The following LCP2 variants were observed in gnomAD, a reference collection of about 807,000 sequenced individuals.
LCP2 encodes 76 kDa tyrosine phosphoprotein.
Under a neutral mutation model 74.5 loss-of-function variants are expected in LCP2, and 29 were observed. The ratio of observed to expected loss-of-function variants is 0.39; its 90% CI spans 0.29 to 0.53. The LOEUF is 0.53. Among genes scored for constraint, LCP2 ranks in the 20% least tolerant of loss-of-function variants. The pLI is 0.72. For synonymous variants in LCP2, 228 were observed against 229.5 expected, an observed-to-expected ratio of 0.99 and a Z score of 0.06; for missense variants, 604 against 634.6, an observed-to-expected ratio of 0.95 and a Z score of 0.52.
At chr5:170,285,893 GCCT>G (rs1298851401) in intron 3 of LCP2, among the ~76,000 whole-genome samples, 1 of 152,118 alleles carries the variant, frequency 6.6e-6, no homozygotes, top group African/African-American at 2.4e-5. Context: ...ACTCTCCGCT[GCCT>G]CCTCAACTCA....
chr5:170,270,749 G>T lies in LCP2; in HGVS notation c.493C>A (p.Pro165Thr), dbSNP rs746525662. 1.2e-5 allele frequency: 19 copies of T among 1,593,196 alleles called. No homozygotes were observed. The highest frequency in any genetic ancestry group is 8.0e-5 in the South Asian group (7 of 87,344). The change falls in exon 7 of 21, where the codon CCT (proline) becomes ACT (threonine). Residue 165 changes from proline to threonine, a missense_variant. Transcript: ENST00000046794. ...TACATGGAGTTGGAGTTGGGGAAAG[G>T]CTTGGCAGGCAGGATGGAGTTCTGC... ...ALQNSILPAK[P>T]FPNSNSMYID...
At position 170,274,771 on chromosome 5, in the gene LCP2, T is replaced by A. The variant is rs191506090; in HGVS notation, c.287-433A>T. ...GCGGGCAGATCATGAGGTCAGGAGATCGAGACCATCCTGGCTGACATGGTG... is the reference window on the plus strand; with the variant it reads ...GCGGGCAGATCATGAGGTCAGGAGAACGAGACCATCCTGGCTGACATGGTG... On this transcript the variant is annotated intron_variant, in intron 5 of 20. Transcript: ENST00000046794. Among the ~76,000 whole-genome samples the A allele has an allele frequency of 5.3e-3, 809 of 152,110 alleles. 6 individuals are homozygous for A. The highest frequency in any genetic ancestry group is 0.018 in the African/African-American group (741 of 41,488).
chr5:170,248,622 C>G lies in LCP2; in HGVS notation c.*75G>C, dbSNP rs570785452. On this transcript the variant is annotated 3_prime_UTR_variant, in exon 21 of 21. Coordinates refer to ENST00000046794, the MANE Select transcript of LCP2 (RefSeq NM_005565.5). ...GTTCAGTTCAGTCCTAAGTGTTTGT[C>G]CATTGACCAAGGCTGATTGATCTCG... 6.5e-7 allele frequency: 1 copy of G among 1,545,088 alleles called. No homozygotes were observed. Among genetic ancestry groups the G allele is most frequent in the African/African-American group, 1.4e-5 (1 of 72,988 alleles).
At position 170,262,810 on chromosome 5, in the gene LCP2, C is replaced by A. The variant is rs1244251228; in HGVS notation, c.818+32G>T. Reference sequence around the variant, plus strand: ...CGAGGCAGAGTTCTACAGAACGTCCCATGTACCCTCATGTAGATGCAACAG... The same window carrying A: ...CGAGGCAGAGTTCTACAGAACGTCCAATGTACCCTCATGTAGATGCAACAG... On this transcript the variant is annotated intron_variant, in intron 12 of 20. Transcript: ENST00000046794. The A allele has an allele frequency of 5.6e-6, 9 of 1,614,002 alleles. No individual in the cohort carries two copies. In the South Asian group the frequency reaches 9.9e-5, roughly 18 times the overall value.
intron 2 of LCP2, among the ~76,000 whole-genome samples, chr5:170,292,721 C>G (rs1224736526): frequency 1.3e-5 from 2 of 152,176 alleles, no homozygotes; most frequent in South Asian, 4.1e-4. Flanking sequence ...AACCACCTCC[C>G]CGACCACAAC....
In LCP2 at chr5:170,266,795, G is replaced by T; in HGVS notation, c.772+13C>A. On this transcript the variant is annotated intron_variant, in intron 10 of 20. Transcript: ENST00000046794. The stretch of plus-strand genomic sequence containing the variant: ...ATCATTATTACTATGCATTAAATGT[G>T]AATCATACCCACCTAGTGTGAAGGG... 1 of 1,604,746 alleles carries T rather than the reference G, an allele frequency of 6.2e-7. No individual in the cohort carries two copies. Among genetic ancestry groups the T allele is most frequent in the Non-Finnish European group, 8.5e-7 (1 of 1,171,416 alleles).
At chr5:170,273,007 A>G (rs1761923163) in intron 6 of LCP2, among the ~76,000 whole-genome samples, 1 of 150,556 alleles carries the variant, frequency 6.6e-6, no homozygotes, top group African/African-American at 2.5e-5. Flanking sequence ...GTGCTGCCTG[A>G]TTCATGAATC....
chr5:170,251,386 A>G (rs1761438931), intron 19 of LCP2: 1 of 216,732 alleles, frequency 4.6e-6, no homozygotes, highest in Admixed American at 4.9e-5. Context: ...CAGACCCTTG[A>G]GCAAAATTGA....
chr5:170,267,031 G>A lies in LCP2; in HGVS notation c.666C>T (p.Ser222=). ...CACGCTTTGCCGTTTTGTGGTTTCTGCTTCTGCTGGGTTCTTCGTGGTTGG... is the reference window on the plus strand; with the variant it reads ...CACGCTTTGCCGTTTTGTGGTTTCTACTTCTGCTGGGTTCTTCGTGGTTGG... ...PQTNHEEPSR[S]RNHKTAKLPA... Residue 222 remains serine (S), a synonymous_variant, in exon 9 of 21, where the codon AGC becomes AGT. Coordinates refer to ENST00000046794, the MANE Select transcript of LCP2 (RefSeq NM_005565.5). The A allele has an allele frequency of 6.2e-7, 1 of 1,613,988 alleles. No homozygotes were observed. The highest frequency in any genetic ancestry group is 1.1e-5 in the South Asian group (1 of 91,080).
chr5:170,271,324 C>A lies in LCP2; in HGVS notation c.325-407G>T, dbSNP rs114472818. On this transcript the variant is annotated intron_variant, in intron 6 of 20. Transcript: ENST00000046794. The stretch of plus-strand genomic sequence containing the variant: ...ATACTAGTTAATTGCCATTTCTGTT[C>A]AAGGGTGCCTGTGCTCAAAAAATGT... Among the ~76,000 whole-genome samples, 1,208 of 152,226 alleles carry A rather than the reference C, an allele frequency of 7.9e-3. 16 individuals carry two copies. The highest frequency in any genetic ancestry group is 0.028 in the African/African-American group (1,154 of 41,536).
intron 12 of LCP2, 29 bp downstream of exon 12, chr5:170,262,813 G>A (rs1561969274): frequency 6.2e-7 from 1 of 1,614,006 alleles, no homozygotes; most frequent in South Asian, 1.1e-5. Context: ...AACGTCCCAT[G>A]TACCCTCATG....
At chr5:170,281,066 G>A (rs1238852188) in intron 3 of LCP2, among the ~76,000 whole-genome samples, 5 of 152,186 alleles carry the variant, frequency 3.3e-5, no homozygotes, top group South Asian at 4.1e-4. Context: ...CTAAAGGCAC[G>A]TGACCAGCAT....
chr5:170,283,926 C>T (rs745839977), intron 3 of LCP2, among the ~76,000 whole-genome samples: 9 of 152,316 alleles, frequency 5.9e-5, no homozygotes, highest in African/African-American at 1.2e-4. Flanking sequence ...TTCCTACGAG[C>T]GCTTGAACTT....
chr5:170,290,462 A>G (rs931684095), intron 2 of LCP2, among the ~76,000 whole-genome samples: 10 of 152,180 alleles, frequency 6.6e-5, no homozygotes, highest in African/African-American at 2.4e-4. Flanking sequence ...GTAAGATATA[A>G]CCAAAGTCTG....
rs75735019 is a variant in LCP2, at chr5:170,292,210, G to A, written c.141+1100C>T. On this transcript the variant is annotated intron_variant, in intron 2 of 20. Transcript: ENST00000046794. ...TCGGGAAACTGCTTGTCAAGTGAACGAATAGGCGAATGAATGAATGATTTA... is the reference window on the plus strand; with the variant it reads ...TCGGGAAACTGCTTGTCAAGTGAACAAATAGGCGAATGAATGAATGATTTA... Among the ~76,000 whole-genome samples the A allele has an allele frequency of 2.5e-3, 386 of 152,288 alleles. 2 individuals are homozygous for A. The highest frequency in any genetic ancestry group is 9.0e-3 in the African/African-American group (375 of 41,550).
intron 1 of LCP2, 107 bp from the exon 2 acceptor site, chr5:170,293,479 G>T: frequency 9.4e-7 from 1 of 1,069,300 alleles, no homozygotes; most frequent in Non-Finnish European, 1.4e-6. Flanking sequence ...CTTGTGGCTA[G>T]CCAGGCTCCC....
intron 10 of LCP2, among the ~76,000 whole-genome samples, chr5:170,265,581 A>G (rs190735035): frequency 3.5e-4 from 53 of 152,320 alleles, no homozygotes; most frequent in Middle Eastern, 3.4e-3. Flanking sequence ...ATCTGAAGTC[A>G]AATCTATCTT....
intron 10 of LCP2, among the ~76,000 whole-genome samples, chr5:170,265,205 T>C (rs1222656377): frequency 4.6e-5 from 7 of 152,072 alleles, no homozygotes; most frequent in African/African-American, 1.7e-4. Context: ...GCCAGGATGG[T>C]CTCCATCTCC....
intron 3 of LCP2, among the ~76,000 whole-genome samples, chr5:170,284,298 A>G (rs991542493): frequency 6.6e-6 from 1 of 152,166 alleles, no homozygotes; most frequent in African/African-American, 2.4e-5. Flanking sequence ...AGTACAGTTC[A>G]GATTTTGTGT....
Sources: allele counts gnomAD v4.1 joint callset (sites outside exome capture counted in the v4.1 genomes callset), GRCh38; gene constraint gnomAD v4.1.1; transcripts MANE v1.5; gene names NCBI Gene and HGNC (gene_info 2026-07-23, HGNC 2026-07-21).